The following CDH8 variants were observed in gnomAD, a reference collection of about 807,000 sequenced individuals.
The protein encoded by CDH8 is cadherin 8, also known as cadherin-8.
CDH8 carries 17 observed loss-of-function variants against 68.1 expected under a neutral mutation model. That is an observed-to-expected ratio of 0.25 (90% CI 0.17 to 0.37). The LOEUF (loss-of-function observed/expected upper bound fraction) is 0.37, where lower values mean the gene tolerates loss of function less well. Ranked by LOEUF, CDH8 falls within the 10% of genes least tolerant of loss-of-function variation. The pLI, the probability that CDH8 is intolerant of heterozygous loss-of-function variation, is 1.00. For missense variants in CDH8, 763 were observed against 999.3 expected, an observed-to-expected ratio of 0.76 and a Z score of 3.19; for synonymous variants, 372 against 365.1, an observed-to-expected ratio of 1.02 and a Z score of -0.21.
intron 8 of CDH8, among the ~76,000 whole-genome samples, chr16:61,779,692 T>A (rs1270174379): frequency 1.3e-5 from 2 of 152,160 alleles, no homozygotes; most frequent in East Asian, 3.9e-4. Flanking sequence ...TCCTAATCTA[T>A]AAAATGGGAT....
intron 3 of CDH8, among the ~76,000 whole-genome samples, chr16:61,887,375 TC>T (rs1221807955): frequency 6.6e-6 from 1 of 152,176 alleles, no homozygotes; most frequent in Non-Finnish European, 1.5e-5. Context: ...ATAACAAAAT[TC>T]CCACAGACCG....
At chr16:61,954,700 C>CAAAAA (rs35839753) in intron 2 of CDH8, among the ~76,000 whole-genome samples, 3 of 68,278 alleles carry the variant, frequency 4.4e-5, no homozygotes, top group Non-Finnish European at 6.0e-5. Flanking sequence ...GACTCCATCT[C>CAAAAA]AAAAAAAAAA....
intron 2 of CDH8, among the ~76,000 whole-genome samples, chr16:61,965,440 T>G (rs1965230809): frequency 6.6e-6 from 1 of 152,142 alleles, no homozygotes; most frequent in South Asian, 2.1e-4. Flanking sequence ...TTCACACATG[T>G]TTACTAAATA....
chr16:61,977,888 C>T (rs1409792164), intron 2 of CDH8, among the ~76,000 whole-genome samples: 2 of 151,932 alleles, frequency 1.3e-5, no homozygotes, highest in Non-Finnish European at 2.9e-5. Context: ...TATCACATGC[C>T]TAGCACTACT....
intron 10 of CDH8, among the ~76,000 whole-genome samples, chr16:61,702,715 TATAAA>T (rs1964457174): frequency 6.6e-6 from 1 of 152,192 alleles, no homozygotes; most frequent in Admixed American, 6.5e-5. Flanking sequence ...TTGTGAAAAT[TATAAA>T]ATAAAATAAG....
intron 8 of CDH8, among the ~76,000 whole-genome samples, chr16:61,768,391 TCTCC>T (rs1960682972): frequency 1.3e-5 from 1 of 77,090 alleles, no homozygotes; most frequent in Non-Finnish European, 2.4e-5. Flanking sequence ...TCTCTCTCTC[TCTCC>T]CTTTCTCTCT....
intron 8 of CDH8, among the ~76,000 whole-genome samples, chr16:61,749,127 T>G (rs1960096029): frequency 6.6e-6 from 1 of 152,086 alleles, no homozygotes; most frequent in South Asian, 2.1e-4. Flanking sequence ...ACAGATTTTT[T>G]TATAGGTTCT....
intron 10 of CDH8, among the ~76,000 whole-genome samples, chr16:61,688,358 C>T (rs1018278939): frequency 9.2e-5 from 14 of 151,980 alleles, no homozygotes; most frequent in African/African-American, 3.4e-4. Context: ...GATATAAGGA[C>T]TTAAGATATG....
chr16:61,809,736 C>T (rs890897971), intron 7 of CDH8, among the ~76,000 whole-genome samples: 3 of 152,174 alleles, frequency 2.0e-5, no homozygotes, highest in African/African-American at 7.2e-5. Flanking sequence ...TGACTGCCCT[C>T]TTTTAAATCA....
intron 8 of CDH8, among the ~76,000 whole-genome samples, chr16:61,762,042 A>G (rs1467760715): frequency 6.6e-6 from 1 of 152,110 alleles, no homozygotes; most frequent in Non-Finnish European, 1.5e-5. Flanking sequence ...ATAAAAATTG[A>G]AAATAGATTA....
At chr16:61,740,193 C>T (rs1006739785) in intron 8 of CDH8, among the ~76,000 whole-genome samples, 9 of 151,948 alleles carry the variant, frequency 5.9e-5, no homozygotes, top group African/African-American at 1.9e-4. Flanking sequence ...GGGTGAGCCA[C>T]TGCGCCCGGC....
rs1050521545 is a variant in CDH8, at chr16:61,964,424, A to G, written c.252+56728T>C. ...TGCAATGGACCATTTAGACACTCCA[A>G]TTCACATAACAATCATATCGTTGGG... On this transcript the variant is annotated intron_variant, in intron 2 of 11. Coordinates refer to ENST00000577390, the MANE Select transcript of CDH8 (RefSeq NM_001796.5). Among the ~76,000 whole-genome samples the G allele has an allele frequency of 4.6e-5, 7 of 152,236 alleles. No homozygotes were observed. The East Asian group carries it at 1.2e-3, about 25-fold the overall frequency.
At chr16:61,656,036 C>A (rs769819970) in intron 10 of CDH8, among the ~76,000 whole-genome samples, 2 of 152,108 alleles carry the variant, frequency 1.3e-5, no homozygotes, top group Non-Finnish European at 2.9e-5. Context: ...CCACACCGGG[C>A]TAATTTTTTG....
At chr16:61,713,388 G>T (rs1212719086) in intron 10 of CDH8, among the ~76,000 whole-genome samples, 1 of 151,644 alleles carries the variant, frequency 6.6e-6, no homozygotes, top group East Asian at 1.9e-4. Flanking sequence ...TATTGTTAAA[G>T]TTGGTACAGG....
intron 7 of CDH8, among the ~76,000 whole-genome samples, chr16:61,804,790 A>G (rs951869719): frequency 4.5e-5 from 6 of 134,438 alleles, no homozygotes; most frequent in Admixed American, 4.1e-4. Flanking sequence ...ATCTCTGAAT[A>G]GACCAATAAA....
chr16:61,984,300 A>G (rs1567556384), intron 2 of CDH8, among the ~76,000 whole-genome samples: 1 of 152,208 alleles, frequency 6.6e-6, no homozygotes, highest in African/African-American at 2.4e-5. Context: ...CCCCACTTCT[A>G]AAACCATCGT....
chr16:61,742,675 C>T (rs1350568119), intron 8 of CDH8, among the ~76,000 whole-genome samples: 3 of 152,024 alleles, frequency 2.0e-5, no homozygotes, highest in Non-Finnish European at 4.4e-5. Context: ...CTTGTATTCC[C>T]TGAGTGTAAT....
intron 8 of CDH8, among the ~76,000 whole-genome samples, chr16:61,740,816 T>A (rs1959851145): frequency 6.6e-6 from 1 of 152,166 alleles, no homozygotes; most frequent in Non-Finnish European, 1.5e-5. Flanking sequence ...GTTCTTTCAG[T>A]ATTATGCTAT....
chr16:61,763,611 C>G (rs1330346736), intron 8 of CDH8, among the ~76,000 whole-genome samples: 2 of 152,132 alleles, frequency 1.3e-5, no homozygotes, highest in Middle Eastern at 3.2e-3. Flanking sequence ...TAGAAGTGTG[C>G]AGGCAGAATC....
Sources: gnomAD v4.1 joint callset for allele counts (sites outside exome capture counted in the v4.1 genomes callset) on GRCh38, gnomAD v4.1.1 for gene constraint, MANE v1.5 for transcripts, NCBI Gene and HGNC (gene_info 2026-07-23, HGNC 2026-07-21) for gene names.